Variants in RYR3 observed in about 807,000 individuals in gnomAD.
RYR3 encodes the protein brain ryanodine receptor-calcium release channel.
A neutral mutation model predicts 584.3 loss-of-function variants in RYR3; 207 were observed. The ratio of observed to expected loss-of-function variants is 0.35; its 90% CI spans 0.32 to 0.40. The LOEUF (loss-of-function observed/expected upper bound fraction) is 0.40. Ranked by LOEUF, RYR3 falls within the 10% of genes least tolerant of loss-of-function variation. RYR3 has a pLI of 1.00. For synonymous variants in RYR3, 2,416 were observed against 2,248.5 expected, an observed-to-expected ratio of 1.07 and a Z score of -2.11; for missense variants, 5,616 against 6,089.2, an observed-to-expected ratio of 0.92 and a Z score of 2.59.
At chr15:33,775,908 G>A (rs536290686) in intron 64 of RYR3, among the ~76,000 whole-genome samples, 6 of 152,300 alleles carry the variant, frequency 3.9e-5, no homozygotes, top group African/African-American at 1.4e-4. Context: ...TTCCAGGTCT[G>A]GAAAGTATGT....
chr15:33,606,781 T>G (rs1487451455), intron 18 of RYR3, among the ~76,000 whole-genome samples: 1 of 152,192 alleles, frequency 6.6e-6, no homozygotes, highest in Non-Finnish European at 1.5e-5. Flanking sequence ...TGTTACTGGC[T>G]GGGGGAAGTT....
At chr15:33,626,726 G>C (rs923369872) in intron 20 of RYR3, among the ~76,000 whole-genome samples, 4 of 152,144 alleles carry the variant, frequency 2.6e-5, no homozygotes, top group Non-Finnish European at 5.9e-5. Flanking sequence ...TCCAGCTATG[G>C]CTAAAAGGGG....
intron 70 of RYR3, 25 bp from the exon 71 acceptor site, chr15:33,810,454 T>G (rs1399096628): frequency 6.2e-7 from 1 of 1,612,894 alleles, no homozygotes. Flanking sequence ...AACCCCTCTC[T>G]GTTTATTTCA....
chr15:33,813,835 C>A, intron 74 of RYR3: 1 of 356,154 alleles, frequency 2.8e-6, no homozygotes, highest in Admixed American at 4.4e-5. Context: ...GCCAAGTAAG[C>A]ATATGGAAGT....
Position 33,507,080 on chromosome 15 carries a change from AT to A in RYR3, c.279+3347del. Among the ~76,000 whole-genome samples, 2 of 152,198 alleles carry A rather than the reference AT, an allele frequency of 1.3e-5. 1 individual carries two copies. The highest frequency in any genetic ancestry group is 6.8e-3 in the Middle Eastern group (2 of 294). On this transcript the variant is annotated intron_variant, in intron 3 of 103. Transcript: ENST00000634891. ...CAAATGGGAGGCTTTGAAGAGTATAATTTTTCCTTCTAGTCAAAAATTGGTC... is the reference window on the plus strand; with the variant it reads ...CAAATGGGAGGCTTTGAAGAGTATAATTTTCCTTCTAGTCAAAAATTGGTC...
intron 28 of RYR3, 133 bp from the exon 29 acceptor site, chr15:33,646,218 G>A: frequency 2.9e-6 from 2 of 678,920 alleles, no homozygotes; most frequent in Non-Finnish European, 5.0e-6. Flanking sequence ...ATCATAGTTT[G>A]GTTATCACTG....
chr15:33,838,547 G>A lies in RYR3; in HGVS notation c.12567G>A (p.Trp4189Ter). 6.2e-7 allele frequency: 1 copy of A among 1,613,920 alleles called. No individual in the cohort carries two copies. The highest frequency in any genetic ancestry group is 8.5e-7 in the Non-Finnish European group (1 of 1,179,874). ...TGAAGGTGCTCTTCTCCTTTTTCTG[G>A]ATGCTGTTCGTGGGGCTATTCCAGT... Reference protein sequence around the residue: ...ELVKVLFSFFWMLFVGLFQLL... With the variant: ...ELVKVLFSFF The change falls in exon 89 of 104, where the codon TGG becomes TGA. Residue 4189 changes from tryptophan (W) to a stop codon, truncating the protein, a stop_gained. Coordinates refer to ENST00000634891, the MANE Select transcript of RYR3 (RefSeq NM_001036.6). LOFTEE classifies it high-confidence loss of function.
chr15:33,340,853 C>T (rs1971729248), intron 1 of RYR3, among the ~76,000 whole-genome samples: 1 of 152,092 alleles, frequency 6.6e-6, no homozygotes, highest in Non-Finnish European at 1.5e-5. Flanking sequence ...CCACCTATAC[C>T]CTAGATGTAT....
intron 18 of RYR3, among the ~76,000 whole-genome samples, chr15:33,610,184 T>G (rs2060111486): frequency 6.6e-6 from 1 of 152,146 alleles, no homozygotes; most frequent in Non-Finnish European, 1.5e-5. Flanking sequence ...TCATTAACCC[T>G]CAGCTTCCAG....
intron 43 of RYR3, among the ~76,000 whole-genome samples, chr15:33,715,425 A>AT (rs1381581833): frequency 6.6e-6 from 1 of 152,256 alleles, no homozygotes; most frequent in Non-Finnish European, 1.5e-5. Flanking sequence ...TAGGAACAAC[A>AT]TCGCAATGTT....
chr15:33,356,682 GTAAGTA>G (rs1487198169), intron 1 of RYR3, among the ~76,000 whole-genome samples: 28 of 152,300 alleles, frequency 1.8e-4, no homozygotes, highest in Admixed American at 1.6e-3. Context: ...AGGAGTAAGT[GTAAGTA>G]TAAGTAGATA....
At chr15:33,718,016 A>G (rs2067629112) in intron 43 of RYR3, among the ~76,000 whole-genome samples, 1 of 152,206 alleles carries the variant, frequency 6.6e-6, no homozygotes, top group Non-Finnish European at 1.5e-5. Context: ...TAGTTCATAC[A>G]AGTTGCCTGG....
Position 33,826,655 on chromosome 15 carries a change from C to A in RYR3, c.11165-17C>A. The A allele has an allele frequency of 6.2e-7, 1 of 1,603,994 alleles. No homozygotes were observed. Among genetic ancestry groups the A allele is most frequent in the Non-Finnish European group, 8.5e-7 (1 of 1,170,780 alleles). On this transcript the variant is annotated splice_polypyrimidine_tract_variant and intron_variant, in intron 83 of 103. Coordinates refer to ENST00000634891, the MANE Select transcript of RYR3 (RefSeq NM_001036.6). ...GAGAAGCCAAACCAATGCTCATCAA[C>A]GTTCTGTGTTTTCAAGGTGAAAAAG...
intron 10 of RYR3, among the ~76,000 whole-genome samples, chr15:33,552,540 T>C (rs1201616720): frequency 6.6e-6 from 1 of 152,218 alleles, no homozygotes; most frequent in Non-Finnish European, 1.5e-5. Context: ...GGAGTCACTA[T>C]GCTAGAGATT....
At chr15:33,461,014 G>A (rs1231580816) in intron 1 of RYR3, among the ~76,000 whole-genome samples, 3 of 139,472 alleles carry the variant, frequency 2.2e-5, no homozygotes, top group Admixed American at 7.7e-5. Context: ...GCGTGATCTT[G>A]GCTCACTGCA....
At chr15:33,697,000 C>T (rs2065901695) in intron 39 of RYR3, among the ~76,000 whole-genome samples, 1 of 151,840 alleles carries the variant, frequency 6.6e-6, no homozygotes, top group Non-Finnish European at 1.5e-5. Flanking sequence ...GCATTTTAGA[C>T]ATCAAAAGGG....
intron 3 of RYR3, among the ~76,000 whole-genome samples, chr15:33,520,799 T>C (rs974241860): frequency 3.9e-5 from 6 of 152,222 alleles, no homozygotes; most frequent in African/African-American, 1.4e-4. Context: ...GTATACAGGA[T>C]GACCCTGCCC....
Position 33,659,739 on chromosome 15 carries a change from T to C in RYR3, c.4328T>C (p.Val1443Ala). ...TCYQVEPNTK[V>A]FPAVFLQPTS... ...TTCCAGGTGGAGCCTAATACCAAAG[T>C]GTTTCCAGCAGTCTTCCTGCAGCCT... Residue 1443 changes from valine (V) to alanine (A), a missense_variant, in exon 33 of 104, where the codon GTG becomes GCG. By Grantham distance (64) the Val-to-Ala change is moderately conservative (BLOSUM62 0). Transcript: ENST00000634891. 1 of 1,612,154 alleles carries C rather than the reference T, an allele frequency of 6.2e-7. No individual in the cohort carries two copies. Among genetic ancestry groups the C allele is most frequent in the Non-Finnish European group, 8.5e-7 (1 of 1,178,250 alleles).
chr15:33,631,334 T>G (rs748924140), intron 23 of RYR3, 41 bp downstream of exon 23: 3 of 1,317,638 alleles, frequency 2.3e-6, no homozygotes, highest in Non-Finnish European at 3.2e-6. Context: ...CTTTAATGCT[T>G]CAGCCTGGAT....
Sources: gnomAD v4.1 joint callset for allele counts (sites outside exome capture counted in the v4.1 genomes callset) on GRCh38, gnomAD v4.1.1 for gene constraint, MANE v1.5 for transcripts, NCBI Gene and HGNC (gene_info 2026-07-23, HGNC 2026-07-21) for gene names.